NAALADL2: variants seen among roughly 807,000 people sequenced by gnomAD.
NAALADL2 encodes the protein inactive N-acetylated-alpha-linked acidic dipeptidase-like protein 2.
In NAALADL2, 76 loss-of-function variants were observed where a neutral mutation model predicts 87.2. That is an observed-to-expected ratio of 0.87 (90% CI 0.72 to 1.05). The LOEUF (loss-of-function observed/expected upper bound fraction) is 1.05, where lower values mean the gene tolerates loss of function less well. Ranked by LOEUF, NAALADL2 falls within the 50% of genes least tolerant of loss-of-function variation. The probability of loss-of-function intolerance (pLI) is 0.00; values close to 1 mark genes in which losing one functional copy is unlikely to be tolerated. For synonymous variants in NAALADL2, 354 were observed against 331.0 expected (o/e 1.07, Z -0.75); for missense variants, 1,089 against 945.8 (o/e 1.15, Z -1.99).
At chr3:174,497,266 CTTG>C (rs973957104) in intron 1 of NAALADL2, among the ~76,000 whole-genome samples, 2 of 151,940 alleles carry the variant, frequency 1.3e-5, no homozygotes, top group African/African-American at 4.8e-5. Flanking sequence ...AGAGGAAGAA[CTTG>C]TTGTCTTCCT....
At chr3:175,218,866 C>T (rs899764773) in intron 2 of NAALADL2, among the ~76,000 whole-genome samples, 1 of 151,728 alleles carries the variant, frequency 6.6e-6, no homozygotes. Context: ...AGTGCAATCG[C>T]GCAATCTCAG....
intron 3 of NAALADL2, among the ~76,000 whole-genome samples, chr3:174,853,025 G>C (rs1486890575): frequency 1.3e-5 from 2 of 151,764 alleles, no homozygotes; most frequent in East Asian, 1.9e-4. Flanking sequence ...AATTAAACTA[G>C]ACTCATATCT....
intron 2 of NAALADL2, among the ~76,000 whole-genome samples, chr3:175,101,371 C>T (rs1440565214): frequency 2.0e-5 from 3 of 152,190 alleles, no homozygotes; most frequent in Non-Finnish European, 2.9e-5. Flanking sequence ...ATCTAATCAG[C>T]TTAAGCCAGT....
chr3:174,545,089 G>T (rs1167299436), intron 1 of NAALADL2, among the ~76,000 whole-genome samples: 1 of 152,036 alleles, frequency 6.6e-6, no homozygotes, highest in Non-Finnish European at 1.5e-5. Flanking sequence ...ATGTTGTCCA[G>T]TCTGGTCTTG....
At chr3:175,479,546 G>A (rs764438646) in intron 9 of NAALADL2, among the ~76,000 whole-genome samples, 16 of 151,712 alleles carry the variant, frequency 1.1e-4, no homozygotes, top group South Asian at 6.2e-4. Context: ...CTACAAAAAC[G>A]AAGTTTCCAA....
At chr3:175,695,832 C>T (rs1737721776) in intron 11 of NAALADL2, among the ~76,000 whole-genome samples, 1 of 151,990 alleles carries the variant, frequency 6.6e-6, no homozygotes, top group Non-Finnish European at 1.5e-5. Context: ...GTACTCAAAA[C>T]TCTAGATGGT....
At chr3:175,162,282 A>G (rs1461272) in intron 2 of NAALADL2, among the ~76,000 whole-genome samples, 81,560 of 151,976 alleles carry the variant, frequency 0.54, 22,159 homozygotes, top group East Asian at 0.75. Context: ...TTATTTATCC[A>G]CAATGTTGTG....
intron 1 of NAALADL2, among the ~76,000 whole-genome samples, chr3:175,047,202 A>G (rs984264162): frequency 6.6e-6 from 1 of 152,184 alleles, no homozygotes; most frequent in African/African-American, 2.4e-5. Flanking sequence ...AGGGACACAA[A>G]CATTCTGTCC....
chr3:175,703,380 A>G (rs1365340741), intron 11 of NAALADL2, among the ~76,000 whole-genome samples: 1 of 152,316 alleles, frequency 6.6e-6, no homozygotes, highest in East Asian at 1.9e-4. Context: ...GTCTGAGGAG[A>G]GACTGGACAG....
chr3:175,371,641 A>T (rs1766517763), intron 5 of NAALADL2, among the ~76,000 whole-genome samples: 1 of 151,650 alleles, frequency 6.6e-6, no homozygotes, highest in African/African-American at 2.4e-5. Context: ...CCTGGCCAAG[A>T]TGGCGAAATC....
intron 10 of NAALADL2, among the ~76,000 whole-genome samples, chr3:175,591,782 GTGTATATA>G (rs1295222529): frequency 4.9e-4 from 10 of 20,540 alleles, no homozygotes; most frequent in African/African-American, 9.1e-4. Context: ...GTGTGTGTGT[GTGTATATA>G]TATATATATA....
intron 2 of NAALADL2, among the ~76,000 whole-genome samples, chr3:174,723,755 C>CAAAA (rs10663395): frequency 0.05 from 1,388 of 27,554 alleles, 463 homozygotes; most frequent in Middle Eastern, 0.094. Flanking sequence ...GACTCCGTCT[C>CAAAA]AAAAAAAAAA....
intron 12 of NAALADL2, among the ~76,000 whole-genome samples, chr3:175,746,995 A>G (rs980732124): frequency 1.3e-5 from 2 of 152,192 alleles, no homozygotes; most frequent in Non-Finnish European, 2.9e-5. Context: ...TTAATATCAA[A>G]TGCAATGTAA....
At chr3:175,153,084 T>C (rs1012054) in intron 2 of NAALADL2, among the ~76,000 whole-genome samples, 45,735 of 152,022 alleles carry the variant, frequency 0.3, 7,098 homozygotes, top group South Asian at 0.35. Flanking sequence ...TTTTCTCTTA[T>C]ATTTTTATTC....
intron 5 of NAALADL2, among the ~76,000 whole-genome samples, chr3:175,342,414 C>T (rs567043608): frequency 2.4e-4 from 37 of 151,906 alleles, no homozygotes; most frequent in African/African-American, 7.5e-4. Context: ...GCATTTTAAC[C>T]GATAGGTAGT....
At chr3:174,931,292 C>T (rs935703529) in intron 1 of NAALADL2, among the ~76,000 whole-genome samples, 5 of 152,068 alleles carry the variant, frequency 3.3e-5, no homozygotes, top group African/African-American at 1.2e-4. Flanking sequence ...ATCATGGGTT[C>T]TGGAGCCAGG....
intron 2 of NAALADL2, among the ~76,000 whole-genome samples, chr3:174,630,986 T>C (rs1462794993): frequency 6.6e-6 from 1 of 152,126 alleles, no homozygotes; most frequent in African/African-American, 2.4e-5. Context: ...CACACACCAC[T>C]CCAGAAGAGC....
chr3:174,650,629 A>C (rs1724263317), intron 2 of NAALADL2, among the ~76,000 whole-genome samples: 2 of 152,254 alleles, frequency 1.3e-5, no homozygotes, highest in South Asian at 4.1e-4. Flanking sequence ...TTACGGTCGT[A>C]ATTGTTAACT....
At chr3:175,378,832 C>T (rs1041165886) in intron 5 of NAALADL2, among the ~76,000 whole-genome samples, 1 of 152,170 alleles carries the variant, frequency 6.6e-6, no homozygotes, top group Non-Finnish European at 1.5e-5. Flanking sequence ...GATAATCCTG[C>T]ACCTGTTAGT....
Sources: gnomAD v4.1 joint callset for allele counts (sites outside exome capture counted in the v4.1 genomes callset) on GRCh38, gnomAD v4.1.1 for gene constraint, MANE v1.5 for transcripts, NCBI Gene and HGNC (gene_info 2026-07-23, HGNC 2026-07-21) for gene names.